The following HDAC9 variants were observed in gnomAD, a reference collection of about 807,000 sequenced individuals.
HDAC9 encodes histone deacetylase 9.
HDAC9 carries 41 observed loss-of-function variants against 139.4 expected under a neutral mutation model. The observed-to-expected ratio is 0.29, with a 90% CI of 0.23 to 0.38. The LOEUF (loss-of-function observed/expected upper bound fraction) is 0.38, where lower values mean the gene tolerates loss of function less well. Among genes scored for constraint, HDAC9 ranks in the 10% least tolerant of loss-of-function variants. The pLI, the probability that HDAC9 is intolerant of heterozygous loss-of-function variation, is 1.00. For missense variants in HDAC9, 1,147 were observed against 1,297.0 expected (o/e 0.88, Z 1.78); for synonymous variants, 517 against 476.2 (o/e 1.09, Z -1.12).
chr7:18,976,530 CATTTT>C (rs1784562546), intron 25 of HDAC9, among the ~76,000 whole-genome samples: 1 of 152,276 alleles, frequency 6.6e-6, no homozygotes, highest in Admixed American at 6.5e-5. Context: ...GATTTTATTT[CATTTT>C]GGGATAGGAC....
intron 12 of HDAC9, among the ~76,000 whole-genome samples, chr7:18,713,028 G>T (rs1040681240): frequency 1.3e-5 from 2 of 152,192 alleles, no homozygotes; most frequent in African/African-American, 4.8e-5. Context: ...TTATCCATTT[G>T]TTCTTTGTTC....
intron 2 of HDAC9, among the ~76,000 whole-genome samples, chr7:18,572,354 A>G (rs1392965934): frequency 6.7e-6 from 1 of 150,112 alleles, no homozygotes; most frequent in South Asian, 2.1e-4. Context: ...GTCATATTCA[A>G]ATATGACAAA....
At chr7:18,647,286 G>A (rs996336915) in intron 9 of HDAC9, among the ~76,000 whole-genome samples, 2 of 151,944 alleles carry the variant, frequency 1.3e-5, no homozygotes, top group African/African-American at 4.8e-5. Context: ...CATATAAAAG[G>A]TACATATATT....
intron 17 of HDAC9, among the ~76,000 whole-genome samples, chr7:18,823,061 T>C (rs1269941066): frequency 6.6e-6 from 1 of 152,204 alleles, no homozygotes; most frequent in African/African-American, 2.4e-5. Flanking sequence ...AAACACAGGC[T>C]ATCAAAGAGG....
intron 2 of HDAC9, among the ~76,000 whole-genome samples, chr7:18,186,650 T>A (rs1789939357): frequency 6.6e-6 from 1 of 152,212 alleles, no homozygotes; most frequent in Non-Finnish European, 1.5e-5. Flanking sequence ...TTAATTAAAT[T>A]CCTGGCTCTG....
At chr7:18,252,859 C>T (rs550090418) in intron 2 of HDAC9, among the ~76,000 whole-genome samples, 241 of 152,272 alleles carry the variant, frequency 1.6e-3, no homozygotes, top group Non-Finnish European at 2.6e-3. Context: ...CACATTATTT[C>T]ATCACCCAGG....
intron 19 of HDAC9, among the ~76,000 whole-genome samples, chr7:18,833,108 C>G (rs1033636943): frequency 4.6e-5 from 7 of 152,130 alleles, no homozygotes; most frequent in Non-Finnish European, 1.0e-4. Flanking sequence ...TGAGTTTAAC[C>G]TTTATCACTA....
At chr7:18,837,642 A>C (rs1418130749) in intron 21 of HDAC9, among the ~76,000 whole-genome samples, 1 of 152,100 alleles carries the variant, frequency 6.6e-6, no homozygotes, top group Non-Finnish European at 1.5e-5. Context: ...CATTTGGGGT[A>C]CTATAGCTTT....
intron 1 of HDAC9, among the ~76,000 whole-genome samples, chr7:18,100,754 C>T (rs1782797704): frequency 6.6e-6 from 1 of 151,954 alleles, no homozygotes. Context: ...TTTATCCTTG[C>T]TATTGGTTAT....
intron 2 of HDAC9, among the ~76,000 whole-genome samples, chr7:18,547,606 G>T (rs1021684802): frequency 1.3e-5 from 2 of 152,206 alleles, no homozygotes; most frequent in Non-Finnish European, 1.5e-5. Flanking sequence ...TTTCATGAAA[G>T]ATTTATCTAC....
intron 1 of HDAC9, among the ~76,000 whole-genome samples, chr7:18,334,939 C>A (rs572953626): frequency 6.6e-6 from 1 of 151,460 alleles, no homozygotes; most frequent in Non-Finnish European, 1.5e-5. Context: ...CAGATCACTT[C>A]TCTCCCCTCT....
intron 1 of HDAC9, among the ~76,000 whole-genome samples, chr7:18,374,624 C>T (rs151014181): frequency 2.4e-4 from 36 of 152,096 alleles, no homozygotes; most frequent in African/African-American, 7.5e-4. Flanking sequence ...AATTTTTCAG[C>T]TCCATAAAAA....
At chr7:18,422,928 C>G (rs1789777545) in intron 1 of HDAC9, among the ~76,000 whole-genome samples, 1 of 152,142 alleles carries the variant, frequency 6.6e-6, no homozygotes, top group African/African-American at 2.4e-5. Flanking sequence ...TCAAAACTTT[C>G]AATCTCATAG....
intron 2 of HDAC9, among the ~76,000 whole-genome samples, chr7:18,520,013 TG>T (rs1804515580): frequency 6.6e-6 from 1 of 152,116 alleles, no homozygotes; most frequent in East Asian, 1.9e-4. Flanking sequence ...AATGGATTCA[TG>T]GTACTTGTTT....
intron 11 of HDAC9, among the ~76,000 whole-genome samples, chr7:18,653,939 G>C (rs1314735963): frequency 1.3e-5 from 2 of 152,088 alleles, no homozygotes; most frequent in Non-Finnish European, 2.9e-5. Context: ...ACCTAAGAGA[G>C]TATATTCCTT....
intron 2 of HDAC9, among the ~76,000 whole-genome samples, chr7:18,207,141 T>C (rs1791580049): frequency 6.6e-6 from 1 of 152,100 alleles, no homozygotes. Context: ...TTTTGCCATG[T>C]TGCCCAGGGT....
At chr7:18,665,029 C>T (rs529959280) in intron 11 of HDAC9, among the ~76,000 whole-genome samples, 3 of 152,160 alleles carry the variant, frequency 2.0e-5, no homozygotes, top group East Asian at 1.9e-4. Flanking sequence ...TTTGAGGTTG[C>T]GTGGACTGCA....
At chr7:18,500,013 A>G (rs900139941) in intron 2 of HDAC9, among the ~76,000 whole-genome samples, 3 of 152,102 alleles carry the variant, frequency 2.0e-5, no homozygotes, top group Non-Finnish European at 4.4e-5. Flanking sequence ...CTGTTTTGCC[A>G]TTCTCTAACT....
In HDAC9 at chr7:18,590,960, A is replaced by G. The variant is rs1178749694; in HGVS notation, c.415+474A>G. ...TATCCACAAGAGGGAGACAGATCCA[A>G]ATAATTCCCCTGTATTAGGTCAGTT... On this transcript the variant is annotated intron_variant, in intron 4 of 25. Transcript: ENST00000686413. Among the ~76,000 whole-genome samples the G allele has an allele frequency of 2.6e-5, 4 of 152,340 alleles. No homozygotes were observed. The East Asian group carries it at 7.7e-4, about 29-fold the overall frequency.
Sources: allele counts gnomAD v4.1 joint callset (sites outside exome capture counted in the v4.1 genomes callset), GRCh38; gene constraint gnomAD v4.1.1; transcripts MANE v1.5; gene names NCBI Gene and HGNC (gene_info 2026-07-23, HGNC 2026-07-21).